Variants in HS6ST2 observed in about 807,000 individuals in gnomAD.
The protein encoded by HS6ST2 is heparan sulfate 6-O-sulfotransferase 2.
Under a neutral mutation model 33.0 loss-of-function variants are expected in HS6ST2, and 17 were observed. The observed-to-expected ratio is 0.52, with a 90% CI of 0.35 to 0.77. The LOEUF (loss-of-function observed/expected upper bound fraction) is 0.77, where lower values mean the gene tolerates loss of function less well. Among genes scored for constraint, HS6ST2 ranks in the 30% least tolerant of loss-of-function variants. The pLI, the probability that HS6ST2 is intolerant of heterozygous loss-of-function variation, is 0.01. For synonymous variants in HS6ST2, 248 were observed against 237.1 expected, an observed-to-expected ratio of 1.05 and a Z score of -0.42; for missense variants, 519 against 551.7, an observed-to-expected ratio of 0.94 and a Z score of 0.59.
intron 3 of HS6ST2, among the ~76,000 whole-genome samples, chrX:132,704,663 G>C (rs1319975868): frequency 8.9e-6 from 1 of 112,244 alleles, no homozygotes; most frequent in African/African-American, 3.2e-5. Context: ...TTAGGAAGCT[G>C]TTCCCTTATC....
At chrX:132,888,871 ATG>A (rs750026288) in intron 2 of HS6ST2, among the ~76,000 whole-genome samples, 11 of 109,259 alleles carry the variant, frequency 1.0e-4, no homozygotes, top group African/African-American at 2.0e-4. Context: ...GCTTGTGTGC[ATG>A]TGTGTGTGTG....
At chrX:132,742,620 C>T (rs1011346501) in intron 2 of HS6ST2, among the ~76,000 whole-genome samples, 2 of 112,263 alleles carry the variant, frequency 1.8e-5, no homozygotes, top group African/African-American at 6.5e-5. Context: ...CAAATCTTCC[C>T]AACAACAGGT....
chrX:132,658,589 T>C (rs929371944), intron 4 of HS6ST2, among the ~76,000 whole-genome samples: 4 of 112,346 alleles, frequency 3.6e-5, no homozygotes, highest in African/African-American at 1.3e-4. Flanking sequence ...GGCCCTGTTT[T>C]GAATCATGGT....
At chrX:132,700,713 A>G (rs1485066192) in intron 3 of HS6ST2, among the ~76,000 whole-genome samples, 4 of 110,700 alleles carry the variant, frequency 3.6e-5, no homozygotes. Context: ...AACAAAAGAC[A>G]TTTCAATCTT....
rs139508568 is a variant in HS6ST2, at chrX:132,803,795, C to T, written c.948-95301G>A. 3.4e-3 allele frequency among the ~76,000 whole-genome samples: 383 copies of T among 111,905 alleles called. 1 individual carries two copies. The highest frequency in any genetic ancestry group is 0.011 in the African/African-American group (335 of 30,888). ...GTGATTTCCTGAGCCTCAGCTTCCC[C>T]GTCTATAACATACGTATACAAATAC... On this transcript the variant is annotated intron_variant, in intron 2 of 4. Transcript: ENST00000370833.
At position 132,787,057 on chromosome X, in the gene HS6ST2, G is replaced by A. The variant is rs1052440854; in HGVS notation, c.948-78563C>T. ...GTCTCAAATTAAACATAAATCCCAA[G>A]CTGGGTCAAAGGTCCCTAATATATG... On this transcript the variant is annotated intron_variant, in intron 2 of 4. Coordinates refer to ENST00000370833, the MANE Select transcript of HS6ST2 (RefSeq NM_001394073.1). 5.9e-5 allele frequency among the ~76,000 whole-genome samples: 6 copies of A among 102,446 alleles called. No individual in the cohort carries two copies. The East Asian group carries it at 1.8e-3, about 31-fold the overall frequency. 89.0% of individuals were successfully genotyped at this position (102,446 alleles called of 115,157 possible).
At chrX:132,787,200 CACATATATATAT>C (rs1406303377) in intron 2 of HS6ST2, among the ~76,000 whole-genome samples, 99 of 61,564 alleles carry the variant, frequency 1.6e-3, no homozygotes, top group African/African-American at 7.0e-3. Flanking sequence ...TATATATATA[CACATATATATAT>C]ACACATATAT....
rs1463918506 is a variant in HS6ST2 at position 132,901,586 on chromosome X, T to C, written c.947+55222A>G. ...AAGTCCCTGCCTGGACTTAAAAAAT[T>C]TCATATTTTCAGTACTGGGCAGGAA... On this transcript the variant is annotated intron_variant, in intron 2 of 4. Transcript: ENST00000370833. 3.6e-5 allele frequency among the ~76,000 whole-genome samples: 4 copies of C among 111,473 alleles called. No homozygotes were observed. In the East Asian group the frequency reaches 1.1e-3, roughly 31 times the overall value.
chrX:132,656,583 T>C (rs1200344781), intron 4 of HS6ST2, among the ~76,000 whole-genome samples: 7 of 112,132 alleles, frequency 6.2e-5, no homozygotes, highest in Admixed American at 3.8e-4. Context: ...ATCTAATGTG[T>C]AGATTTTTAT....
At chrX:132,812,404 C>CT (rs2065355229) in intron 2 of HS6ST2, among the ~76,000 whole-genome samples, 1 of 29,011 alleles carries the variant, frequency 3.4e-5, no homozygotes, top group African/African-American at 1.0e-4. Flanking sequence ...GACTCTGTCT[C>CT]AAATAATAAT....
intron 2 of HS6ST2, among the ~76,000 whole-genome samples, chrX:132,715,464 G>A (rs961626082): frequency 9.0e-6 from 1 of 111,529 alleles, no homozygotes; most frequent in Non-Finnish European, 1.9e-5. Flanking sequence ...AGTTATTTCC[G>A]CAATCATAAA....
At chrX:132,665,958 G>A (rs2063807016) in intron 4 of HS6ST2, among the ~76,000 whole-genome samples, 1 of 111,597 alleles carries the variant, frequency 9.0e-6, no homozygotes, top group Non-Finnish European at 1.9e-5. Context: ...CAACATTCAA[G>A]CTGTAGGTTT....
At chrX:132,754,390 A>G (rs1390228673) in intron 2 of HS6ST2, among the ~76,000 whole-genome samples, 1 of 108,832 alleles carries the variant, frequency 9.2e-6, no homozygotes, top group Admixed American at 9.9e-5. Flanking sequence ...CATGGTAAGG[A>G]TACTTGTCTT....
chrX:132,943,668 G>C (rs375753547), intron 2 of HS6ST2, among the ~76,000 whole-genome samples: 3 of 111,326 alleles, frequency 2.7e-5, no homozygotes, highest in Non-Finnish European at 5.7e-5. Flanking sequence ...CCATGATCAA[G>C]TGGGCTTCAT....
Position 132,628,457 on chromosome X carries a change from GGTCT to G in HS6ST2, c.1700_1703del (p.Gln567ProfsTer30). ...GGCCCTGACCCTGGCTCTGGAAATG[GGTCT>G]GAAGGAGCCTTCCCTTCAGAAATTT... On this transcript the variant is annotated frameshift_variant, in exon 5 of 5. Coordinates refer to ENST00000370833, the MANE Select transcript of HS6ST2 (RefSeq NM_001394073.1). LOFTEE classifies it high-confidence loss of function. 11 of 1,210,238 alleles carry G rather than the reference GGTCT, an allele frequency of 9.1e-6. No individual in the cohort carries two copies. Among genetic ancestry groups the G allele is most frequent in the Non-Finnish European group, 1.2e-5 (11 of 894,612 alleles).
rs537980373 is a variant in HS6ST2, at chrX:132,946,968, G to A, written c.947+9840C>T. Among the ~76,000 whole-genome samples, 71 of 111,201 alleles carry A rather than the reference G, an allele frequency of 6.4e-4. 1 individual carries two copies. In the East Asian group the frequency reaches 0.016, roughly 25 times the overall value. ...GTCAATTAAGAAATGTTATGTGGTC[G>A]GTGAAGGATTGGTAATACTTACAAA... On this transcript the variant is annotated intron_variant, in intron 2 of 4. Coordinates refer to ENST00000370833, the MANE Select transcript of HS6ST2 (RefSeq NM_001394073.1).
intron 2 of HS6ST2, among the ~76,000 whole-genome samples, chrX:132,888,022 C>T (rs756669836): frequency 2.7e-5 from 3 of 111,637 alleles, no homozygotes; most frequent in Non-Finnish European, 5.7e-5. Flanking sequence ...ACTACAATTG[C>T]CTGTTTGTAA....
At chrX:132,880,381 C>T (rs1276012975) in intron 2 of HS6ST2, among the ~76,000 whole-genome samples, 1 of 109,578 alleles carries the variant, frequency 9.1e-6, no homozygotes, top group Non-Finnish European at 1.9e-5. Context: ...CCTAAAAATA[C>T]AAAAATTAGC....
intron 2 of HS6ST2, among the ~76,000 whole-genome samples, chrX:132,839,592 T>G (rs1270486571): frequency 1.8e-5 from 2 of 109,490 alleles, no homozygotes; most frequent in East Asian, 5.8e-4. Flanking sequence ...ACTTAATAGA[T>G]ACAGTGTACA....
Sources: gnomAD v4.1 joint callset for allele counts (sites outside exome capture counted in the v4.1 genomes callset) on GRCh38, gnomAD v4.1.1 for gene constraint, MANE v1.5 for transcripts, NCBI Gene and HGNC (gene_info 2026-07-23, HGNC 2026-07-21) for gene names.